KMT2C: variants seen among roughly 807,000 people sequenced by gnomAD.
KMT2C encodes histone-lysine N-methyltransferase 2C.
A neutral mutation model predicts 507.9 loss-of-function variants in KMT2C; 88 were observed. The observed-to-expected ratio is 0.17, with a 90% confidence interval of 0.15 to 0.21. KMT2C has a LOEUF of 0.21. Among genes scored for constraint, KMT2C ranks in the 10% least tolerant of loss-of-function variants. KMT2C has a pLI of 1.00. For synonymous variants in KMT2C, 2,049 were observed against 2,080.8 expected, an observed-to-expected ratio of 0.98 and a Z score of 0.42; for missense variants, 4,954 against 5,957.8, an observed-to-expected ratio of 0.83 and a Z score of 5.55.
chr7:152,269,334 A>G (rs537104558), intron 7 of KMT2C, among the ~76,000 whole-genome samples: 1 of 152,272 alleles, frequency 6.6e-6, no homozygotes, highest in East Asian at 1.9e-4. Context: ...GAAACACAAT[A>G]ATTTTTAAAA....
In KMT2C at chr7:152,422,410, G is replaced by A. The variant is rs149074861; in HGVS notation, c.161+13216C>T. 3.2e-3 allele frequency among the ~76,000 whole-genome samples: 481 copies of A among 151,032 alleles called. 4 individuals are homozygous for A. The highest frequency in any genetic ancestry group is 0.011 in the African/African-American group (452 of 41,064). On this transcript the variant is annotated intron_variant, in intron 1 of 58. Transcript: ENST00000262189. The stretch of plus-strand genomic sequence containing the variant: ...GCGGAGGTTGCAGTGAGCCAAGATC[G>A]CATCACTGCACTCCAGCCACGCGAC...
intron 1 of KMT2C, among the ~76,000 whole-genome samples, chr7:152,366,553 GAGACGGA>G (rs752412488): frequency 3.9e-5 from 6 of 152,188 alleles, no homozygotes; most frequent in Non-Finnish European, 7.3e-5. Context: ...GCTAAAATCA[GAGACGGA>G]AAGTGGAACG....
At chr7:152,300,783 G>A (rs949968142) in intron 6 of KMT2C, among the ~76,000 whole-genome samples, 7 of 152,168 alleles carry the variant, frequency 4.6e-5, no homozygotes, top group African/African-American at 1.7e-4. Flanking sequence ...GAGCTGGCCG[G>A]GCACAGTGGC....
chr7:152,290,616 A>G (rs1488813860), intron 6 of KMT2C, among the ~76,000 whole-genome samples: 1 of 151,906 alleles, frequency 6.6e-6, no homozygotes, highest in East Asian at 1.9e-4. Flanking sequence ...CCCATAAATT[A>G]TAATTTTAAA....
In KMT2C at chr7:152,265,889, T is replaced by C. The variant is rs1323804021; in HGVS notation, c.1013-680A>G. 2.6e-5 allele frequency among the ~76,000 whole-genome samples: 4 copies of C among 152,234 alleles called. No individual in the cohort carries two copies. The East Asian group carries it at 5.8e-4, about 22-fold the overall frequency. On this transcript the variant is annotated intron_variant, in intron 7 of 58. Transcript: ENST00000262189. ...TCCACATAATTATGGACATCATCCA[T>C]CCCTAAATGTGGATTAAAAGAAAAT...
chr7:152,236,118 T>A (rs2095268103), intron 15 of KMT2C, among the ~76,000 whole-genome samples, 185 bp from the exon 16 acceptor site: 8 of 152,286 alleles, frequency 5.3e-5, no homozygotes, highest in Non-Finnish European at 1.2e-4. Flanking sequence ...AATCTAAATA[T>A]AAAATGCTTA....
At chr7:152,414,209 C>CT (rs1348865139) in intron 1 of KMT2C, among the ~76,000 whole-genome samples, 30 of 103,446 alleles carry the variant, frequency 2.9e-4, no homozygotes, top group East Asian at 5.4e-4. Flanking sequence ...GACTCTGTTT[C>CT]AAAAAAAAAA....
intron 27 of KMT2C, among the ~76,000 whole-genome samples, chr7:152,196,255 C>T (rs1488997478): frequency 1.3e-5 from 2 of 152,000 alleles, no homozygotes; most frequent in South Asian, 2.1e-4. Flanking sequence ...AATTTAAAGA[C>T]CTGTAGGCAA....
chr7:152,162,404 T>A lies in KMT2C; in HGVS notation c.11173A>T (p.Thr3725Ser). 6.2e-7 allele frequency: 1 copy of A among 1,614,272 alleles called. No individual in the cohort carries two copies. The highest frequency in any genetic ancestry group is 8.5e-7 in the Non-Finnish European group (1 of 1,180,052). The change falls in exon 43 of 59, where the codon ACA becomes TCA. Residue 3725 changes from threonine to serine, a missense_variant. By Grantham distance (58) the Thr-to-Ser change is moderately conservative. This residue lies in a region of KMT2C where 801 missense variants were observed against 751.2 expected (regional missense o/e 1.07). Transcript: ENST00000262189. ...TEEIKLEKAE[T>S]ESCPGQEEPK... ...TCCTCTTGGCCTGGGCAGGACTCTG[T>A]CTCAGCCTTTTCCAGTTTTATCTCT...
chr7:152,429,903 G>A (rs1369481218), intron 1 of KMT2C, among the ~76,000 whole-genome samples: 1 of 151,928 alleles, frequency 6.6e-6, no homozygotes, highest in Non-Finnish European at 1.5e-5. Flanking sequence ...TCAGCCGGGC[G>A]TGGTGGCTCA....
At chr7:152,327,573 T>C (rs541354043) in intron 3 of KMT2C, among the ~76,000 whole-genome samples, 1 of 152,272 alleles carries the variant, frequency 6.6e-6, no homozygotes, top group Non-Finnish European at 1.5e-5. Flanking sequence ...ATATAACACA[T>C]AGCAAAAAGT....
At chr7:152,299,739 G>A (rs2096549718) in intron 6 of KMT2C, among the ~76,000 whole-genome samples, 1 of 151,554 alleles carries the variant, frequency 6.6e-6, no homozygotes, top group Non-Finnish European at 1.5e-5. Context: ...AATGTACATG[G>A]TCTAAATACC....
intron 16 of KMT2C, among the ~76,000 whole-genome samples, chr7:152,234,508 A>G (rs1350037726): frequency 6.6e-6 from 1 of 152,218 alleles, no homozygotes; most frequent in Non-Finnish European, 1.5e-5. Context: ...CTACTACACA[A>G]CTTTTCCAGA....
intron 15 of KMT2C, among the ~76,000 whole-genome samples, chr7:152,236,696 T>C (rs2095281776): frequency 2.0e-5 from 3 of 152,190 alleles, no homozygotes; most frequent in Non-Finnish European, 4.4e-5. Flanking sequence ...ATTATTGTTA[T>C]TACTTTTATT....
chr7:152,329,670 AGGAGGGAGAAAG>A (rs746269344), intron 3 of KMT2C, among the ~76,000 whole-genome samples: 1 of 138,902 alleles, frequency 7.2e-6, no homozygotes, highest in Non-Finnish European at 1.6e-5. Context: ...ATGGAGGGGA[AGGAGGGAGAAAG>A]GGAGGGAAGG....
intron 53 of KMT2C, 120 bp from the exon 54 acceptor site, chr7:152,145,415 A>C: frequency 2.0e-6 from 2 of 982,492 alleles, no homozygotes; most frequent in Non-Finnish European, 3.0e-6. Context: ...CCCGATAATA[A>C]AATGGTCTTC....
intron 18 of KMT2C, among the ~76,000 whole-genome samples, 191 bp from the exon 19 acceptor site, chr7:152,224,807 C>A (rs1231335967): frequency 6.6e-6 from 1 of 152,084 alleles, no homozygotes; most frequent in Non-Finnish European, 1.5e-5. Flanking sequence ...GCCTACTGAG[C>A]AGAATAATAG....
chr7:152,164,490 C>T (rs892971017), intron 42 of KMT2C, among the ~76,000 whole-genome samples: 7 of 151,718 alleles, frequency 4.6e-5, no homozygotes, highest in Non-Finnish European at 1.5e-5. Context: ...GGGGTTTCAC[C>T]GTGTTAGCCA....
At chr7:152,420,074 T>C (rs1211276113) in intron 1 of KMT2C, among the ~76,000 whole-genome samples, 1 of 152,216 alleles carries the variant, frequency 6.6e-6, no homozygotes, top group Non-Finnish European at 1.5e-5. Context: ...TTACCAGAAA[T>C]TGAAGGTAGG....
Sources: gnomAD v4.1 joint callset for allele counts (sites outside exome capture counted in the v4.1 genomes callset) on GRCh38, gnomAD v4.1.1 for gene constraint, gnomAD v4.1.1 regional missense constraint, MANE v1.5 for transcripts, NCBI Gene and HGNC (gene_info 2026-07-23, HGNC 2026-07-21) for gene names.